Variants in SRRM4 observed in about 807,000 individuals in gnomAD.
SRRM4 encodes serine/arginine repetitive matrix protein 4.
In SRRM4, 33 loss-of-function variants were observed where a neutral mutation model predicts 68.9. That is an observed-to-expected ratio of 0.48 (90% CI 0.36 to 0.64). The LOEUF is 0.64. Among genes scored for constraint, SRRM4 ranks in the 30% least tolerant of loss-of-function variants. The pLI is 0.00. For synonymous variants in SRRM4, 318 were observed against 318.8 expected, an observed-to-expected ratio of 1.00 and a Z score of 0.03; for missense variants, 817 against 827.1, an observed-to-expected ratio of 0.99 and a Z score of 0.15.
At chr12:119,136,179 A>G (rs1490072461) in intron 8 of SRRM4, among the ~76,000 whole-genome samples, 1 of 152,222 alleles carries the variant, frequency 6.6e-6, no homozygotes, top group Non-Finnish European at 1.5e-5. Context: ...AGCTGAATCC[A>G]TCCAAGATCG....
At position 119,011,861 on chromosome 12, in the gene SRRM4, A is replaced by ATCTCAGCTGGGCAACATTGGGCAGGCC. The variant is rs1317850954; in HGVS notation, c.131+29849_131+29875dup. Among the ~76,000 whole-genome samples the ATCTCAGCTGGGCAACATTGGGCAGGCC allele has an allele frequency of 6.8e-4, 103 of 152,290 alleles. 2 individuals carry two copies. Among genetic ancestry groups the ATCTCAGCTGGGCAACATTGGGCAGGCC allele is most frequent in the Admixed American group, 4.3e-3 (66 of 15,296 alleles). On this transcript the variant is annotated intron_variant, in intron 1 of 12. Coordinates refer to ENST00000267260, the MANE Select transcript of SRRM4 (RefSeq NM_194286.4). ...TTGGAATTGGAAGACCTGGTTGCCA[A>ATCTCAGCTGGGCAACATTGGGCAGGCC]TCTCAGCTGGGCAACATTGGGCAGG...
At chr12:119,061,236 C>T (rs557140019) in intron 1 of SRRM4, among the ~76,000 whole-genome samples, 2 of 152,164 alleles carry the variant, frequency 1.3e-5, no homozygotes, top group Non-Finnish European at 2.9e-5. Context: ...CAATGTTTCC[C>T]GCATGTTAAT....
chr12:119,074,084 G>A (rs1406451655), intron 1 of SRRM4, among the ~76,000 whole-genome samples: 3 of 112,104 alleles, frequency 2.7e-5, no homozygotes, highest in Non-Finnish European at 6.2e-5. Flanking sequence ...CAATGGTGGT[G>A]GTGGTGATGG....
At chr12:119,142,698 G>A (rs1954372645) in intron 8 of SRRM4, among the ~76,000 whole-genome samples, 1 of 152,152 alleles carries the variant, frequency 6.6e-6, no homozygotes. Context: ...TGGGCTTGTT[G>A]GATTCACTTG....
intron 1 of SRRM4, among the ~76,000 whole-genome samples, chr12:119,087,824 C>T (rs377032994): frequency 4.3e-4 from 66 of 152,266 alleles, no homozygotes; most frequent in African/African-American, 1.5e-3. Flanking sequence ...ACCAGGCACA[C>T]GCAGCCACCT....
chr12:119,091,933 T>C (rs1954016729), intron 1 of SRRM4, among the ~76,000 whole-genome samples: 1 of 152,216 alleles, frequency 6.6e-6, no homozygotes, highest in African/African-American at 2.4e-5. Context: ...GAGAGGCTTA[T>C]GTTTGGATCA....
chr12:119,105,623 G>C (rs1269803197), intron 2 of SRRM4, among the ~76,000 whole-genome samples: 2 of 152,158 alleles, frequency 1.3e-5, no homozygotes, highest in African/African-American at 4.8e-5. Context: ...GTCTTCTTTT[G>C]AGAAGTGTCT....
At chr12:119,145,246 C>T (rs1048120758) in intron 8 of SRRM4, 135 bp from the exon 9 acceptor site, 2 of 763,570 alleles carry the variant, frequency 2.6e-6, no homozygotes, top group Admixed American at 3.6e-5. Context: ...TGTTTTTTGG[C>T]GTCTCTTCTT....
At chr12:119,095,559 T>G (rs1954038382) in intron 1 of SRRM4, among the ~76,000 whole-genome samples, 1 of 152,090 alleles carries the variant, frequency 6.6e-6, no homozygotes, top group South Asian at 2.1e-4. Context: ...GACACTGGAT[T>G]AGTAAGTCCT....
chr12:119,134,381 G>GC (rs1954315734), intron 8 of SRRM4, among the ~76,000 whole-genome samples: 10 of 84,552 alleles, frequency 1.2e-4, no homozygotes, highest in Non-Finnish European at 2.3e-4. Flanking sequence ...CAGAGAGATT[G>GC]TAAAAAAAAA....
intron 3 of SRRM4, among the ~76,000 whole-genome samples, chr12:119,116,534 G>T (rs1326511540): frequency 6.6e-6 from 1 of 152,124 alleles, no homozygotes. Context: ...GTGACTGAGA[G>T]CAAAAACCAG....
intron 1 of SRRM4, among the ~76,000 whole-genome samples, chr12:118,991,489 T>C (rs1953316579): frequency 6.6e-6 from 1 of 152,212 alleles, no homozygotes; most frequent in African/African-American, 2.4e-5. Flanking sequence ...TGGGCGATCA[T>C]TGGCTAAAGC....
rs544778078 is a variant in SRRM4 at position 119,117,128 on chromosome 12, C to G, written c.437+120C>G. On this transcript the variant is annotated intron_variant, in intron 4 of 12. Coordinates refer to ENST00000267260, the MANE Select transcript of SRRM4 (RefSeq NM_194286.4). ...ATTTATGTAAAACAATTATCTATGT[C>G]TTTTTACGTATTTGTGTCTTGTGTA... 1.1e-5 allele frequency: 9 copies of G among 842,664 alleles called. No homozygotes were observed. The Admixed American group carries it at 2.0e-4, about 19-fold the overall frequency. 52.2% of individuals were successfully genotyped at this position (842,664 alleles called of 1,614,324 possible).
intron 1 of SRRM4, among the ~76,000 whole-genome samples, chr12:119,078,092 T>C (rs1341534726): frequency 1.3e-5 from 2 of 152,184 alleles, no homozygotes; most frequent in Admixed American, 1.3e-4. Context: ...AAAGACAACA[T>C]AAGCAGCTTG....
In SRRM4 at chr12:119,151,180, C is replaced by T; in HGVS notation, c.1240C>T (p.Pro414Ser). The T allele has an allele frequency of 6.2e-7, 1 of 1,614,004 alleles. No individual in the cohort carries two copies. The highest frequency in any genetic ancestry group is 8.5e-7 in the Non-Finnish European group (1 of 1,179,898). ...SSRSPNPRASPRYTQSRSTSS... is the reference protein window; with the variant it reads ...SSRSPNPRASSRYTQSRSTSS... ...CCGATCCCCAAATCCCAGGGCTTCC[C>T]CCAGGTACACCCAAAGCCGATCCAC... The change falls in exon 10 of 13, where the codon CCC (proline) becomes TCC (serine). Residue 414 changes from proline to serine, a missense_variant. Transcript: ENST00000267260.
At chr12:119,079,890 G>GTT (rs5801315) in intron 1 of SRRM4, among the ~76,000 whole-genome samples, 82,249 of 150,622 alleles carry the variant, frequency 0.55, 23,168 homozygotes, top group Middle Eastern at 0.72. Context: ...ATATTCTGAA[G>GTT]TTTTTTTTTT....
At chr12:119,025,522 G>C (rs914827709) in intron 1 of SRRM4, among the ~76,000 whole-genome samples, 3 of 151,896 alleles carry the variant, frequency 2.0e-5, no homozygotes, top group Admixed American at 2.0e-4. Context: ...TTGGCTCACC[G>C]CAACCTCTGC....
chr12:119,014,754 T>G (rs188221189), intron 1 of SRRM4, among the ~76,000 whole-genome samples: 1 of 152,128 alleles, frequency 6.6e-6, no homozygotes, highest in East Asian at 1.9e-4. Flanking sequence ...TGGGAGGGGA[T>G]GGCTTTTTCT....
At chr12:119,129,380 A>C (rs1225615742) in intron 7 of SRRM4, among the ~76,000 whole-genome samples, 2 of 152,220 alleles carry the variant, frequency 1.3e-5, no homozygotes, top group African/African-American at 2.4e-5. Context: ...CCAAGCAGCC[A>C]GATCTAGACG....
Sources: gnomAD v4.1 joint callset for allele counts (sites outside exome capture counted in the v4.1 genomes callset) on GRCh38, gnomAD v4.1.1 for gene constraint, MANE v1.5 for transcripts, NCBI Gene and HGNC (gene_info 2026-07-23, HGNC 2026-07-21) for gene names.